Variants in ALDH1L1 observed in about 807,000 individuals in gnomAD.
ALDH1L1 encodes the protein cytosolic 10-formyltetrahydrofolate dehydrogenase.
ALDH1L1 carries 68 observed loss-of-function variants against 101.1 expected under a neutral mutation model. The ratio of observed to expected loss-of-function variants is 0.67; its 90% CI spans 0.55 to 0.82. The LOEUF (loss-of-function observed/expected upper bound fraction) is 0.82. ALDH1L1 is among the 40% of genes least tolerant of loss of function. ALDH1L1 has a pLI of 0.00. For synonymous variants in ALDH1L1, 486 were observed against 470.8 expected, an observed-to-expected ratio of 1.03 and a Z score of -0.42; for missense variants, 1,087 against 1,172.7, an observed-to-expected ratio of 0.93 and a Z score of 1.07.
At chr3:126,108,379 C>T (rs1295419954) in intron 20 of ALDH1L1, among the ~76,000 whole-genome samples, 2 of 152,212 alleles carry the variant, frequency 1.3e-5, no homozygotes, top group Non-Finnish European at 2.9e-5. Context: ...GTGATGGCTC[C>T]CCACTGTTCC....
intron 9 of ALDH1L1, among the ~76,000 whole-genome samples, chr3:126,141,900 A>C (rs2080576212): frequency 6.6e-6 from 1 of 152,156 alleles, no homozygotes; most frequent in East Asian, 1.9e-4. Flanking sequence ...CAGCAAATCA[A>C]CAAAATCAAA....
intron 1 of ALDH1L1, among the ~76,000 whole-genome samples, chr3:126,187,740 G>A (rs899363526): frequency 6.6e-6 from 1 of 152,154 alleles, no homozygotes; most frequent in Admixed American, 6.5e-5. Flanking sequence ...CGAGGAAAAT[G>A]CTGGTGAATT....
Position 126,110,001 on chromosome 3 carries a change from G to T in ALDH1L1, c.2290C>A (p.His764Asn). 6.2e-7 allele frequency: 1 copy of T among 1,614,198 alleles called. No homozygotes were observed. Among genetic ancestry groups the T allele is most frequent in the Non-Finnish European group, 8.5e-7 (1 of 1,180,026 alleles). Residue 764 changes from histidine to asparagine, a missense_variant, in exon 20 of 23, where the codon CAT (histidine) becomes AAT (asparagine). Around this residue, in one of 2 missense-constraint regions of ALDH1L1, gnomAD observed 442 missense variants for 535.7 expected, o/e 0.83. Coordinates refer to ENST00000393434, the MANE Select transcript of ALDH1L1 (RefSeq NM_012190.4). ...AGTGTGGCCCCTTCCTTCACGCCAT[G>T]CTGGCAGTACTCCATCAGCTTCACA... ...HLVKLMEYCQ[H>N]GVKEGATLVC...
At chr3:126,155,542 AC>A (rs752150689) in intron 4 of ALDH1L1, 39 bp from the exon 5 acceptor site, 4 of 1,572,712 alleles carry the variant, frequency 2.5e-6, no homozygotes, top group Non-Finnish European at 3.5e-6. Context: ...CAGCAATAGG[AC>A]CCTGCCTCCT....
At chr3:126,115,939 C>T (rs1309926518) in intron 17 of ALDH1L1, among the ~76,000 whole-genome samples, 1 of 150,578 alleles carries the variant, frequency 6.6e-6, no homozygotes, top group South Asian at 2.1e-4. Context: ...GTGGTGTGAT[C>T]TCAGCTTACT....
chr3:126,180,769 G>A (rs146290070), upstream of ALDH1L1: 26 of 1,455,628 alleles, frequency 1.8e-5, no homozygotes, highest in East Asian at 5.7e-4. Flanking sequence ...AGGGGCCTGC[G>A]CTCTTTCCCG....
upstream of ALDH1L1, among the ~76,000 whole-genome samples, chr3:126,185,333 G>A (rs2081508246): frequency 6.6e-6 from 1 of 152,212 alleles, no homozygotes; most frequent in African/African-American, 2.4e-5. Context: ...AGGAATAAAT[G>A]AGCAAAGAGG....
At chr3:126,161,092 G>A in intron 1 of ALDH1L1, 90 bp from the exon 2 acceptor site, 1 of 1,461,130 alleles carries the variant, frequency 6.8e-7, no homozygotes, top group Non-Finnish European at 9.2e-7. Context: ...CATGGCACCT[G>A]GCCTGCTCTA....
At chr3:126,163,890 T>C (rs1395834168) in intron 1 of ALDH1L1, among the ~76,000 whole-genome samples, 2 of 152,072 alleles carry the variant, frequency 1.3e-5, no homozygotes, top group African/African-American at 4.8e-5. Context: ...CCCCAGCACG[T>C]TGGGAGGCTG....
At chr3:126,118,119 G>A (rs1180667544) in intron 16 of ALDH1L1, 21 bp from the exon 17 acceptor site, 1 of 1,595,234 alleles carries the variant, frequency 6.3e-7, no homozygotes, top group South Asian at 1.1e-5. Context: ...GAGGGAGGGG[G>A]GAATCAGAGT....
chr3:126,127,588 G>C (rs2080215998), intron 14 of ALDH1L1, among the ~76,000 whole-genome samples: 1 of 152,296 alleles, frequency 6.6e-6, no homozygotes, highest in African/African-American at 2.4e-5. Flanking sequence ...TGGCTCACTA[G>C]GGAGCTCGAG....
intron 19 of ALDH1L1, 188 bp from the exon 20 acceptor site, chr3:126,110,297 G>C (rs948233598): frequency 5.5e-5 from 39 of 707,268 alleles, no homozygotes; most frequent in Non-Finnish European, 8.8e-5. Flanking sequence ...CCTATGTGTA[G>C]AGGGACAGAA....
intron 2 of ALDH1L1, chr3:126,159,653 T>C (rs2080999676): frequency 2.5e-6 from 1 of 403,164 alleles, no homozygotes; most frequent in Admixed American, 2.7e-5. Flanking sequence ...AATGAAATAC[T>C]GCTTCAGGAC....
At chr3:126,154,682 C>G (rs368543477) in intron 5 of ALDH1L1, 39 bp from the exon 6 acceptor site, 2 of 1,580,568 alleles carry the variant, frequency 1.3e-6, no homozygotes, top group Non-Finnish European at 1.7e-6. Flanking sequence ...CTGGTCTCTC[C>G]TCACTCCCCT....
At chr3:126,112,759 G>A (rs375229072) in intron 19 of ALDH1L1, 23 bp downstream of exon 19, 30 of 1,607,268 alleles carry the variant, frequency 1.9e-5, no homozygotes, top group East Asian at 4.5e-5. Context: ...CCAGCCGCCC[G>A]CAGACCCTGG....
intron 1 of ALDH1L1, among the ~76,000 whole-genome samples, chr3:126,163,732 T>C (rs1215552721): frequency 1.3e-5 from 2 of 152,232 alleles, no homozygotes; most frequent in African/African-American, 4.8e-5. Context: ...TAAGCCACCT[T>C]TGCATTCTTG....
Position 126,118,075 on chromosome 3 carries a change from A to C in ALDH1L1, c.1912T>G (p.Ser638Ala). ...GSGSLVGQRL[S>A]DHPDVRKIGF... ...ATTTTCCTCACATCAGGATGGTCTG[A>C]GAGTCTCTGGCCGACCAGGGAGCCT... The change falls in exon 17 of 23, where the codon TCA (serine) becomes GCA (alanine). Residue 638 changes from serine (S) to alanine (A), a missense_variant. Physicochemically the swap from Ser to Ala is moderately conservative, Grantham distance 99. Coordinates refer to ENST00000393434, the MANE Select transcript of ALDH1L1 (RefSeq NM_012190.4). The C allele has an allele frequency of 6.2e-7, 1 of 1,613,510 alleles. No homozygotes were observed. The highest frequency in any genetic ancestry group is 8.5e-7 in the Non-Finnish European group (1 of 1,179,734).
chr3:126,103,729 A>T lies in ALDH1L1; in HGVS notation c.*62T>A, dbSNP rs1032540916. On this transcript the variant is annotated 3_prime_UTR_variant, in exon 23 of 23. Transcript: ENST00000393434. Reference sequence around the variant, plus strand: ...GGGAGGTGCTGTGCACCCAGGCTCAAGAGGGAGGGGGCCCCAGCCACGAGG... The same window carrying T: ...GGGAGGTGCTGTGCACCCAGGCTCATGAGGGAGGGGGCCCCAGCCACGAGG... 9.6e-5 allele frequency: 151 copies of T among 1,578,628 alleles called. No individual in the cohort carries two copies. In the Middle Eastern group the frequency reaches 2.7e-3, roughly 28 times the overall value.
At chr3:126,177,941 G>A (rs572561915) in intron 1 of ALDH1L1, among the ~76,000 whole-genome samples, 60 of 152,314 alleles carry the variant, frequency 3.9e-4, no homozygotes, top group African/African-American at 1.3e-3. Context: ...TACTCGAGAG[G>A]CTGAGGCCCA....
Sources: gnomAD v4.1 joint callset for allele counts (sites outside exome capture counted in the v4.1 genomes callset) on GRCh38, gnomAD v4.1.1 for gene constraint, gnomAD v4.1.1 regional missense constraint, MANE v1.5 for transcripts, NCBI Gene and HGNC (gene_info 2026-07-23, HGNC 2026-07-21) for gene names.